Variants in RASGEF1C observed in about 807,000 individuals in gnomAD.
The protein encoded by RASGEF1C is ras-GEF domain-containing family member 1C.
Under a neutral mutation model 58.1 loss-of-function variants are expected in RASGEF1C, and 27 were observed. That is an observed-to-expected ratio of 0.46 (90% CI 0.34 to 0.64). The LOEUF is 0.64. RASGEF1C is among the 30% of genes least tolerant of loss of function. The probability of loss-of-function intolerance (pLI) is 0.01; values close to 1 mark genes in which losing one functional copy is unlikely to be tolerated. For missense variants in RASGEF1C, 502 were observed against 605.1 expected, an observed-to-expected ratio of 0.83 and a Z score of 1.79; for synonymous variants, 243 against 246.3, an observed-to-expected ratio of 0.99 and a Z score of 0.13.
intron 1 of RASGEF1C, among the ~76,000 whole-genome samples, chr5:180,187,239 C>G (rs1450280220): frequency 6.6e-6 from 1 of 152,192 alleles, no homozygotes; most frequent in Non-Finnish European, 1.5e-5. Context: ...AATTGGACCC[C>G]TACCTCTTAC....
In RASGEF1C at chr5:180,108,492, C is replaced by T. The variant is rs138505737; in HGVS notation, c.1303+2965G>A. On this transcript the variant is annotated intron_variant, in intron 12 of 13. Coordinates refer to ENST00000361132, the MANE Select transcript of RASGEF1C (RefSeq NM_175062.4). ...CTGGGATTACAAGCACGAGCCACCG[C>T]GCCCAGCCGTTTCAGTCTATTTTCT... is the stretch of plus-strand genomic sequence containing the variant. 6.9e-3 allele frequency among the ~76,000 whole-genome samples: 1,044 copies of T among 152,234 alleles called. 14 individuals carry two copies. The highest frequency in any genetic ancestry group is 0.024 in the African/African-American group (995 of 41,520).
At chr5:180,121,551 G>A (rs1333201129) in intron 6 of RASGEF1C, among the ~76,000 whole-genome samples, 6 of 151,976 alleles carry the variant, frequency 3.9e-5, no homozygotes, top group Non-Finnish European at 7.4e-5. Flanking sequence ...CTGACCTCGT[G>A]ATCCGCCCAC....
intron 6 of RASGEF1C, among the ~76,000 whole-genome samples, chr5:180,123,107 A>G (rs988792705): frequency 6.6e-6 from 1 of 152,264 alleles, no homozygotes; most frequent in African/African-American, 2.4e-5. Flanking sequence ...GCAACAAAAA[A>G]GACCCTGAGG....
At chr5:180,183,989 T>C (rs987481105) in intron 1 of RASGEF1C, among the ~76,000 whole-genome samples, 8 of 150,834 alleles carry the variant, frequency 5.3e-5, no homozygotes, top group African/African-American at 1.2e-4. Flanking sequence ...CTGGTCAACA[T>C]AGTAAAACTC....
chr5:180,180,386 G>C (rs1204240067), intron 1 of RASGEF1C, among the ~76,000 whole-genome samples: 1 of 152,230 alleles, frequency 6.6e-6, no homozygotes, highest in Admixed American at 6.5e-5. Context: ...TGTTTGAGAC[G>C]AGCTCCACGA....
At chr5:180,203,492 G>A (rs753950756) in intron 1 of RASGEF1C, among the ~76,000 whole-genome samples, 1 of 152,178 alleles carries the variant, frequency 6.6e-6, no homozygotes, top group Non-Finnish European at 1.5e-5. Context: ...ACTAAATACT[G>A]CCAACAACCA....
At chr5:180,190,394 G>A (rs1756133734) in intron 1 of RASGEF1C, among the ~76,000 whole-genome samples, 1 of 150,752 alleles carries the variant, frequency 6.6e-6, no homozygotes, top group Admixed American at 6.6e-5. Flanking sequence ...GGAGGCTGAG[G>A]CAGGAGAGTG....
chr5:180,152,469 AGC>A (rs1766768707), intron 1 of RASGEF1C, among the ~76,000 whole-genome samples: 1 of 149,936 alleles, frequency 6.7e-6, no homozygotes. Context: ...AAGGACAAAA[AGC>A]CAAACACTGC....
chr5:180,196,759 G>T (rs747660512), intron 1 of RASGEF1C, among the ~76,000 whole-genome samples: 17 of 152,052 alleles, frequency 1.1e-4, no homozygotes, highest in Non-Finnish European at 2.5e-4. Flanking sequence ...TGTCTTGCTT[G>T]GTCATGCTGG....
At chr5:180,130,633 G>A (rs923555008) in intron 4 of RASGEF1C, among the ~76,000 whole-genome samples, 1 of 152,200 alleles carries the variant, frequency 6.6e-6, no homozygotes, top group Non-Finnish European at 1.5e-5. Flanking sequence ...CTCAGGCTGC[G>A]TCTTCCTTGG....
At chr5:180,206,767 C>A (rs6601097) in intron 1 of RASGEF1C, among the ~76,000 whole-genome samples, 86,574 of 152,080 alleles carry the variant, frequency 0.57, 25,242 homozygotes, top group Non-Finnish European at 0.64. Flanking sequence ...AAAGAATGAG[C>A]CAGGTCTCCA....
chr5:180,140,782 T>C (rs1021592673), intron 1 of RASGEF1C, among the ~76,000 whole-genome samples: 4 of 152,178 alleles, frequency 2.6e-5, no homozygotes, highest in African/African-American at 9.6e-5. Flanking sequence ...GTGGCTGCAC[T>C]GAGGGCTGAC....
intron 8 of RASGEF1C, 67 bp from the exon 9 acceptor site, chr5:180,118,933 C>T: frequency 1.4e-6 from 2 of 1,447,834 alleles, no homozygotes; most frequent in Non-Finnish European, 1.9e-6. Context: ...TAGCTGCACC[C>T]CCTTGGACTG....
intron 1 of RASGEF1C, among the ~76,000 whole-genome samples, chr5:180,151,568 C>G (rs976785901): frequency 6.6e-6 from 1 of 152,034 alleles, no homozygotes; most frequent in Non-Finnish European, 1.5e-5. Context: ...AAAATTAATT[C>G]AAGATGGATT....
At chr5:180,178,268 C>T (rs1334982426) in intron 1 of RASGEF1C, among the ~76,000 whole-genome samples, 5 of 136,344 alleles carry the variant, frequency 3.7e-5, no homozygotes, top group Admixed American at 1.6e-4. Flanking sequence ...CCACTGCACC[C>T]GGCTGGCTTT....
intron 1 of RASGEF1C, among the ~76,000 whole-genome samples, chr5:180,183,663 A>G (rs1051828461): frequency 6.6e-5 from 10 of 152,070 alleles, no homozygotes; most frequent in Non-Finnish European, 1.2e-4. Flanking sequence ...CGTCTCTACT[A>G]AAAATACAAA....
At position 180,155,503 on chromosome 5, in the gene RASGEF1C, G is replaced by T. The variant is rs1044877153; in HGVS notation, c.-6-17445C>A. Among the ~76,000 whole-genome samples the T allele has an allele frequency of 6.6e-6, 1 of 152,064 alleles. No homozygotes were observed. Among genetic ancestry groups the T allele is most frequent in the Non-Finnish European group, 1.5e-5 (1 of 68,006 alleles). ...GAGGATTGGCCTGAGTTATTTTTGG[G>T]CTCCATATGGCCTTCAACTCCTGCT... On this transcript the variant is annotated intron_variant, in intron 1 of 13. Transcript: ENST00000361132. The surrounding 1 kb of genome is among the most constrained non-coding windows in gnomAD (Gnocchi z 5.2).
intron 1 of RASGEF1C, among the ~76,000 whole-genome samples, chr5:180,149,088 C>CTTTTTTTTTTTTTTTTTT (rs61204210): frequency 9.1e-6 from 1 of 110,176 alleles, no homozygotes; most frequent in African/African-American, 3.4e-5. Context: ...CTTTTTTTTT[C>CTTTTTTTTTTTTTTTTTT]TTTTTTTTTT....
chr5:180,186,101 G>GAAAAAAA (rs35778456), intron 1 of RASGEF1C, among the ~76,000 whole-genome samples: 6 of 81,136 alleles, frequency 7.4e-5, no homozygotes, highest in African/African-American at 1.4e-4. Flanking sequence ...TATCTCCACA[G>GAAAAAAA]AAAAAAAAAA....
Sources: allele counts gnomAD v4.1 joint callset (sites outside exome capture counted in the v4.1 genomes callset), GRCh38; gene constraint gnomAD v4.1.1; non-coding constraint Gnocchi (gnomAD v3.1); transcripts MANE v1.5; gene names NCBI Gene and HGNC (gene_info 2026-07-23, HGNC 2026-07-21).